ASIC2: variants seen among roughly 807,000 people sequenced by gnomAD.
The protein encoded by ASIC2 is acid-sensing ion channel 2.
Under a neutral mutation model 57.3 loss-of-function variants are expected in ASIC2, and 25 were observed. The observed-to-expected ratio is 0.44, with a 90% CI of 0.32 to 0.61. The LOEUF is 0.61. Among genes scored for constraint, ASIC2 ranks in the 20% least tolerant of loss-of-function variants. The probability of loss-of-function intolerance (pLI) is 0.06; values close to 1 mark genes in which losing one functional copy is unlikely to be tolerated. For missense variants in ASIC2, 641 were observed against 738.1 expected (o/e 0.87, Z 1.52); for synonymous variants, 319 against 307.5 (o/e 1.04, Z -0.39).
At chr17:33,455,069 A>C (rs932823109) in intron 1 of ASIC2, among the ~76,000 whole-genome samples, 4 of 152,260 alleles carry the variant, frequency 2.6e-5, no homozygotes, top group Non-Finnish European at 5.9e-5. Context: ...CCTCTAACTC[A>C]TAAGCCCTCT....
At position 33,299,500 on chromosome 17, in the gene ASIC2, A is replaced by T. The variant is rs529060342; in HGVS notation, c.556-187433T>A. Among the ~76,000 whole-genome samples, 57 of 150,416 alleles carry T rather than the reference A, an allele frequency of 3.8e-4. 1 individual carries two copies. In the South Asian group the frequency reaches 0.012, roughly 31 times the overall value. On this transcript the variant is annotated intron_variant, in intron 1 of 9. Coordinates refer to the ASIC2 transcript ENST00000359872. ...GAGTTGTTGTTCCTTCCTTCCTTTC[A>T]TGTGCTTCAGCATCTCCACTGCCTT... is the stretch of plus-strand genomic sequence containing the variant.
intron 1 of ASIC2, chr17:33,793,569 A>G (rs1186570426): frequency 2.0e-5 from 3 of 152,236 alleles, no homozygotes; most frequent in Non-Finnish European, 4.4e-5. Context: ...TTGTCTCATT[A>G]TGTAGATGAG....
intron 1 of ASIC2, among the ~76,000 whole-genome samples, chr17:34,043,431 T>TA (rs1355172963): frequency 9.9e-5 from 15 of 152,242 alleles, no homozygotes; most frequent in African/African-American, 3.6e-4. Flanking sequence ...GCAAAAGAGG[T>TA]CTAAGGCTGT....
chr17:33,789,370 T>C (rs1911698544), intron 1 of ASIC2, among the ~76,000 whole-genome samples: 1 of 152,102 alleles, frequency 6.6e-6, no homozygotes, highest in African/African-American at 2.4e-5. Flanking sequence ...TTTATAAACA[T>C]TGTTTTCCTC....
In ASIC2 at chr17:33,950,703, A is replaced by T. The variant is rs557414368; in HGVS notation, c.555+205275T>A. 8.5e-5 allele frequency among the ~76,000 whole-genome samples: 13 copies of T among 152,366 alleles called. No individual in the cohort carries two copies. The South Asian group carries it at 2.7e-3, about 32-fold the overall frequency. ...ACCAATGACAGCCACCTGAAAGGTC[A>T]GAAGAAAAGTCCTGATGAGACCCTG... On this transcript the variant is annotated intron_variant, in intron 1 of 9. Transcript: ENST00000359872.
intron 7 of ASIC2, among the ~76,000 whole-genome samples, chr17:33,019,476 T>C (rs1410427382): frequency 6.6e-6 from 1 of 151,860 alleles, no homozygotes. Context: ...TGGACCACCG[T>C]GGGTGCATGA....
chr17:33,922,122 A>C (rs890192378), intron 1 of ASIC2, among the ~76,000 whole-genome samples: 1 of 152,176 alleles, frequency 6.6e-6, no homozygotes, highest in African/African-American at 2.4e-5. Context: ...GTGACAGAGC[A>C]AAGTGTTAAC....
At chr17:33,690,569 C>T (rs561045142) in intron 1 of ASIC2, among the ~76,000 whole-genome samples, 5 of 152,124 alleles carry the variant, frequency 3.3e-5, no homozygotes, top group African/African-American at 1.2e-4. Flanking sequence ...ATGCCAAAAA[C>T]TAGTCACATA....
At chr17:33,527,176 G>A (rs1054995158) in intron 1 of ASIC2, among the ~76,000 whole-genome samples, 1 of 152,198 alleles carries the variant, frequency 6.6e-6, no homozygotes, top group Non-Finnish European at 1.5e-5. Flanking sequence ...CTTCAGATGT[G>A]TGTGCCAGGG....
At chr17:33,949,672 T>C in intron 1 of ASIC2, among the ~76,000 whole-genome samples, 1 of 152,162 alleles carries the variant, frequency 6.6e-6, no homozygotes, top group East Asian at 1.9e-4. Context: ...CCAGACTAAT[T>C]GGACAGATAA....
At chr17:33,025,896 C>T (rs2091857217) in intron 5 of ASIC2, 30 bp downstream of exon 5, 6 of 1,574,996 alleles carry the variant, frequency 3.8e-6, no homozygotes, top group Non-Finnish European at 5.2e-6. Context: ...CCCCGGCCCC[C>T]ATGATTCCAT....
intron 1 of ASIC2, among the ~76,000 whole-genome samples, chr17:33,244,366 G>A (rs1484373163): frequency 6.6e-6 from 1 of 152,194 alleles, no homozygotes; most frequent in Non-Finnish European, 1.5e-5. Context: ...CCTCTAGGAA[G>A]TGCGTGAAAT....
rs1233774521 is a variant in ASIC2, at chr17:33,464,506, T to TTC, written c.556-352441_556-352440dup. Among the ~76,000 whole-genome samples, 310 of 37,366 alleles carry TTC rather than the reference T, an allele frequency of 8.3e-3. 2 individuals are homozygous for TTC. Among genetic ancestry groups the TTC allele is most frequent in the Non-Finnish European group, 0.012 (204 of 16,998 alleles). 24.5% of individuals were successfully genotyped at this position (37,366 alleles called of 152,430 possible). On this transcript the variant is annotated intron_variant, in intron 1 of 9. Transcript: ENST00000359872. ...TCTCTTTCTTTCTTTCTTTCTTTCT[T>TTC]TCTTTCTTTCTTTCTTTCTTTCTTT...
chr17:33,471,290 C>T (rs1307680014), intron 1 of ASIC2, among the ~76,000 whole-genome samples: 1 of 152,198 alleles, frequency 6.6e-6, no homozygotes, highest in Admixed American at 6.5e-5. Flanking sequence ...TTGTTGAGCT[C>T]ACTGACTGGC....
chr17:33,042,084 T>C (rs1320284525), intron 3 of ASIC2, among the ~76,000 whole-genome samples: 1 of 152,262 alleles, frequency 6.6e-6, no homozygotes. Flanking sequence ...TCCTGCTGCA[T>C]GATTTAAGTG....
chr17:33,542,336 G>T (rs1462559574), intron 1 of ASIC2, among the ~76,000 whole-genome samples: 2 of 140,250 alleles, frequency 1.4e-5, no homozygotes, highest in Non-Finnish European at 3.1e-5. Flanking sequence ...CTTCCACAAT[G>T]GTTGAACTAG....
At chr17:33,743,299 T>C (rs572151840) in intron 1 of ASIC2, among the ~76,000 whole-genome samples, 34 of 152,372 alleles carry the variant, frequency 2.2e-4, no homozygotes, top group African/African-American at 8.2e-4. Flanking sequence ...CTGTGGCACT[T>C]GAGCCACAAC....
At chr17:33,283,893 A>T (rs576706985) in intron 1 of ASIC2, among the ~76,000 whole-genome samples, 1 of 152,330 alleles carries the variant, frequency 6.6e-6, no homozygotes, top group African/African-American at 2.4e-5. Context: ...TTTTGTGGGA[A>T]CAATTGTGAT....
chr17:33,380,156 G>A lies in ASIC2; in HGVS notation c.556-268089C>T, dbSNP rs35379326. On this transcript the variant is annotated intron_variant, in intron 1 of 9. Transcript: ENST00000359872. ...AGCTACTTGGGGGGCTGAGGCAGTA[G>A]AATCGCTTGAACCAGGGAGGCAGAA... Among the ~76,000 whole-genome samples the A allele has an allele frequency of 0.033, 4,720 of 144,470 alleles. 461 individuals are homozygous for A. In the East Asian group the frequency reaches 0.38, roughly 12 times the overall value. 94.8% of individuals were successfully genotyped at this position (144,470 alleles called of 152,430 possible). A position where few individuals can be genotyped will look rare whatever the true frequency, so the allele number is the denominator to read the frequency against.
Sources: gnomAD v4.1 joint callset for allele counts (sites outside exome capture counted in the v4.1 genomes callset) on GRCh38, gnomAD v4.1.1 for gene constraint, MANE v1.5 for transcripts, NCBI Gene and HGNC (gene_info 2026-07-23, HGNC 2026-07-21) for gene names.